AGBL4: variants seen among roughly 807,000 people sequenced by gnomAD.
The protein encoded by AGBL4 is AGBL carboxypeptidase 4, also known as cytosolic carboxypeptidase 6.
In AGBL4, 58 loss-of-function variants were observed where a neutral mutation model predicts 66.4. That is an observed-to-expected ratio of 0.87 (90% CI 0.71 to 1.09). AGBL4 has a LOEUF of 1.09. Ranked by LOEUF, AGBL4 falls within the 50% of genes least tolerant of loss-of-function variation. The pLI is 0.00. For missense variants in AGBL4, 579 were observed against 631.0 expected (o/e 0.92, Z 0.88); for synonymous variants, 234 against 222.9 (o/e 1.05, Z -0.44).
chr1:49,135,487 A>G (rs1310623331), intron 4 of AGBL4, among the ~76,000 whole-genome samples: 1 of 152,160 alleles, frequency 6.6e-6, no homozygotes, highest in Admixed American at 6.6e-5. Flanking sequence ...GGGGTCTCAC[A>G]GCCTTCAGAG....
intron 4 of AGBL4, among the ~76,000 whole-genome samples, chr1:49,127,814 A>C (rs1645797408): frequency 6.6e-6 from 1 of 152,150 alleles, no homozygotes; most frequent in South Asian, 2.1e-4. Context: ...AAAATATCTT[A>C]AAACAAAACT....
intron 5 of AGBL4, among the ~76,000 whole-genome samples, chr1:48,902,594 T>C (rs1177250149): frequency 6.6e-6 from 1 of 152,128 alleles, no homozygotes; most frequent in African/African-American, 2.4e-5. Context: ...CTCTGTGCCA[T>C]AGTGAAATTT....
chr1:48,887,213 A>T (rs1414748247), intron 5 of AGBL4, among the ~76,000 whole-genome samples: 1 of 152,132 alleles, frequency 6.6e-6, no homozygotes, highest in Middle Eastern at 3.2e-3. Flanking sequence ...ACGAGGGCAT[A>T]GAGGAAAAAG....
chr1:49,112,351 C>T (rs1368493651), intron 4 of AGBL4, among the ~76,000 whole-genome samples: 1 of 152,208 alleles, frequency 6.6e-6, no homozygotes, highest in Non-Finnish European at 1.5e-5. Context: ...TTCAGAGAGT[C>T]ATCATCTTTT....
chr1:49,332,956 T>G (rs1409812976), intron 3 of AGBL4, among the ~76,000 whole-genome samples: 1 of 152,214 alleles, frequency 6.6e-6, no homozygotes, highest in Non-Finnish European at 1.5e-5. Context: ...ATGATCGCCA[T>G]ACTAACTGGC....
intron 1 of AGBL4, among the ~76,000 whole-genome samples, chr1:49,976,391 AAT>A (rs1160019302): frequency 6.6e-6 from 1 of 152,146 alleles, no homozygotes; most frequent in African/African-American, 2.4e-5. Flanking sequence ...TATTGATATA[AAT>A]AACTGCACTA....
intron 1 of AGBL4, among the ~76,000 whole-genome samples, chr1:49,896,948 A>G (rs1348002599): frequency 6.6e-6 from 1 of 151,990 alleles, no homozygotes; most frequent in Non-Finnish European, 1.5e-5. Context: ...CTGGACATGG[A>G]ATGAACATAC....
intron 4 of AGBL4, among the ~76,000 whole-genome samples, chr1:49,113,939 T>C (rs1201589970): frequency 6.6e-6 from 1 of 152,190 alleles, no homozygotes; most frequent in African/African-American, 2.4e-5. Context: ...GTTGCATTTC[T>C]GGAGCACAAA....
chr1:48,875,611 C>A (rs1649142954), intron 5 of AGBL4, among the ~76,000 whole-genome samples: 1 of 152,112 alleles, frequency 6.6e-6, no homozygotes, highest in Non-Finnish European at 1.5e-5. Flanking sequence ...TGTCTTTCAT[C>A]CCCAGGGCAA....
intron 5 of AGBL4, among the ~76,000 whole-genome samples, chr1:48,892,508 A>C (rs780117718): frequency 1.4e-4 from 22 of 152,162 alleles, no homozygotes; most frequent in Non-Finnish European, 1.0e-4. Flanking sequence ...TAGGGAGATG[A>C]TAAACATCAA....
intron 2 of AGBL4, among the ~76,000 whole-genome samples, chr1:49,831,491 A>G (rs1015686622): frequency 6.6e-6 from 1 of 152,150 alleles, no homozygotes; most frequent in African/African-American, 2.4e-5. Context: ...TTGCTTCAGC[A>G]AACTAAGGAG....
intron 4 of AGBL4, among the ~76,000 whole-genome samples, chr1:49,052,780 G>C (rs1264882711): frequency 6.6e-6 from 1 of 152,146 alleles, no homozygotes; most frequent in Admixed American, 6.6e-5. Context: ...CTAGCATATA[G>C]AGGCAATTGA....
intron 5 of AGBL4, among the ~76,000 whole-genome samples, chr1:49,020,256 G>A (rs112310224): frequency 6.6e-6 from 1 of 152,084 alleles, no homozygotes; most frequent in Admixed American, 6.5e-5. Flanking sequence ...CCTCTCACTT[G>A]GGCACAGCAC....
chr1:49,946,891 A>G (rs34112285), intron 1 of AGBL4, among the ~76,000 whole-genome samples: 47,491 of 151,556 alleles, frequency 0.31, 8,205 homozygotes, highest in East Asian at 0.73. Flanking sequence ...CTGACACGAT[A>G]GAAATACAAA....
At chr1:49,904,117 C>T (rs769382443) in intron 1 of AGBL4, among the ~76,000 whole-genome samples, 3 of 152,158 alleles carry the variant, frequency 2.0e-5, no homozygotes, top group Admixed American at 6.6e-5. Flanking sequence ...AATACTCCTG[C>T]TCTTTCCACT....
chr1:48,774,860 G>T (rs1645000156), intron 6 of AGBL4, among the ~76,000 whole-genome samples: 1 of 152,188 alleles, frequency 6.6e-6, no homozygotes. Flanking sequence ...GAGGAAAACA[G>T]CCATTACACA....
intron 5 of AGBL4, among the ~76,000 whole-genome samples, chr1:48,887,456 A>T (rs1018655126): frequency 6.6e-6 from 1 of 152,074 alleles, no homozygotes; most frequent in Non-Finnish European, 1.5e-5. Flanking sequence ...GTAAGAGGGA[A>T]CTAATGTTTG....
At chr1:49,888,501 T>C (rs147645185) in intron 1 of AGBL4, among the ~76,000 whole-genome samples, 7 of 152,258 alleles carry the variant, frequency 4.6e-5, no homozygotes, top group African/African-American at 1.7e-4. Flanking sequence ...AACAAATTTG[T>C]CTATACAACC....
At chr1:49,214,954 C>A (rs1648969131) in intron 4 of AGBL4, among the ~76,000 whole-genome samples, 1 of 152,098 alleles carries the variant, frequency 6.6e-6, no homozygotes, top group South Asian at 2.1e-4. Flanking sequence ...AAGTTGTCAG[C>A]AGAGACACCA....
Sources: gnomAD v4.1 joint callset for allele counts (sites outside exome capture counted in the v4.1 genomes callset) on GRCh38, gnomAD v4.1.1 for gene constraint, MANE v1.5 for transcripts, NCBI Gene and HGNC (gene_info 2026-07-23, HGNC 2026-07-21) for gene names.